Variants in NSD1 observed in about 807,000 individuals in gnomAD.
NSD1 encodes the protein histone-lysine N-methyltransferase, H3 lysine-36 specific.
A neutral mutation model predicts 242.7 loss-of-function variants in NSD1; 26 were observed. That is an observed-to-expected ratio of 0.11 (90% CI 0.08 to 0.15). NSD1 has a LOEUF of 0.15. NSD1 is among the 10% of genes least tolerant of loss of function. NSD1 has a pLI of 1.00. For synonymous variants in NSD1, 1,106 were observed against 1,178.1 expected, an observed-to-expected ratio of 0.94 and a Z score of 1.25; for missense variants, 2,495 against 3,272.8, an observed-to-expected ratio of 0.76 and a Z score of 5.80.
intron 12 of NSD1, among the ~76,000 whole-genome samples, chr5:177,256,661 G>T (rs1002336403): frequency 1.2e-4 from 19 of 152,174 alleles, no homozygotes; most frequent in African/African-American, 4.6e-4. Context: ...CTGTAAACTT[G>T]TAGTTAGTCC....
intron 2 of NSD1, among the ~76,000 whole-genome samples, chr5:177,185,958 T>C (rs1206672324): frequency 8.6e-5 from 8 of 93,388 alleles, no homozygotes; most frequent in African/African-American, 2.7e-4. Flanking sequence ...TAGTTATATA[T>C]TTATATATAA....
chr5:177,158,599 A>G (rs1758403234), intron 2 of NSD1, among the ~76,000 whole-genome samples: 1 of 151,918 alleles, frequency 6.6e-6, no homozygotes. Flanking sequence ...CGGCCTCCCA[A>G]AGTGCCGAGA....
At position 177,294,553 on chromosome 5, in the gene NSD1, T is replaced by C; in HGVS notation, c.7185T>C (p.Thr2395=). 6.2e-7 allele frequency: 1 copy of C among 1,614,204 alleles called. No homozygotes were observed. Among genetic ancestry groups the C allele is most frequent in the South Asian group, 1.1e-5 (1 of 91,080 alleles). The change falls in exon 23 of 23, where the codon ACT becomes ACC. Residue 2395 remains threonine, a synonymous_variant. Transcript: ENST00000439151. ...CGCCGCCAGACAGACTGCTCATTAC[T>C]AGCAGTCCCAAACCCCAGACTTCAG... is the stretch of plus-strand genomic sequence containing the variant. ...RLPPPDRLLI[T]SSPKPQTSDR...
At chr5:177,138,831 G>C (rs1046022508) in intron 2 of NSD1, among the ~76,000 whole-genome samples, 9 of 149,834 alleles carry the variant, frequency 6.0e-5, no homozygotes, top group Admixed American at 4.0e-4. Flanking sequence ...TAGAGATGGG[G>C]TTTTACCATG....
chr5:177,184,171 T>C (rs1760914515), intron 2 of NSD1, among the ~76,000 whole-genome samples: 1 of 152,228 alleles, frequency 6.6e-6, no homozygotes, highest in Admixed American at 6.5e-5. Context: ...CTGGATCAAA[T>C]GGTAGCTCTA....
At chr5:177,150,748 T>C (rs1016010677) in intron 2 of NSD1, among the ~76,000 whole-genome samples, 2 of 152,188 alleles carry the variant, frequency 1.3e-5, no homozygotes, top group African/African-American at 2.4e-5. Context: ...AAGGTAGTCT[T>C]TCTTTGTAAA....
In NSD1 at chr5:177,295,581, ATTC is replaced by A; in HGVS notation, c.*125_*127del. 1 of 1,024,692 alleles carries A rather than the reference ATTC, an allele frequency of 9.8e-7. No homozygotes were observed. The highest frequency in any genetic ancestry group is 1.4e-5 in the South Asian group (1 of 72,882). The allele number at this position is 1,024,692 out of a possible 1,614,324, so 63.5% of individuals were successfully genotyped here. A position where few individuals can be genotyped will look rare whatever the true frequency, so the allele number is the denominator to read the frequency against. ...CTGCCCCGAACACTTTCCCACTGTT[ATTC>A]TTTCCTCATATCCCAACACTCAGAA... On this transcript the variant is annotated 3_prime_UTR_variant, in exon 23 of 23. Transcript: ENST00000439151. The surrounding 1 kb of genome is among the most constrained non-coding windows in gnomAD (Gnocchi z 4.3).
At chr5:177,177,537 CAAAA>C (rs1427123866) in intron 2 of NSD1, among the ~76,000 whole-genome samples, 2 of 151,778 alleles carry the variant, frequency 1.3e-5, no homozygotes, top group Non-Finnish European at 2.9e-5. Context: ...CAAAACAAAA[CAAAA>C]AAACAGCAAC....
At chr5:177,164,358 T>C (rs553049978) in intron 2 of NSD1, among the ~76,000 whole-genome samples, 167 of 152,028 alleles carry the variant, frequency 1.1e-3, no homozygotes, top group African/African-American at 2.8e-3. Flanking sequence ...GGTTTCACCA[T>C]GTTGGCCAGG....
chr5:177,202,522 G>T (rs2149834483), intron 3 of NSD1, among the ~76,000 whole-genome samples: 1 of 152,150 alleles, frequency 6.6e-6, no homozygotes, highest in Middle Eastern at 3.4e-3. Flanking sequence ...GGGACTACAG[G>T]CACATGCCAC....
chr5:177,281,320 A>C (rs991124367), intron 18 of NSD1, among the ~76,000 whole-genome samples: 1 of 141,188 alleles, frequency 7.1e-6, no homozygotes, highest in Admixed American at 7.6e-5. Flanking sequence ...ATAAATAAAT[A>C]ATATTGTATA....
At chr5:177,212,829 A>G (rs1763466553) in intron 5 of NSD1, among the ~76,000 whole-genome samples, 1 of 151,600 alleles carries the variant, frequency 6.6e-6, no homozygotes, top group Non-Finnish European at 1.5e-5. Flanking sequence ...TTTAGTAGAG[A>G]TGAGGGTTCA....
At chr5:177,202,227 G>A (rs1228836727) in intron 3 of NSD1, among the ~76,000 whole-genome samples, 1 of 151,068 alleles carries the variant, frequency 6.6e-6, no homozygotes, top group Non-Finnish European at 1.5e-5. Context: ...TTATAATTGA[G>A]TGGTTTTTTT....
At chr5:177,140,542 G>A (rs1452457748) in intron 2 of NSD1, among the ~76,000 whole-genome samples, 2 of 152,030 alleles carry the variant, frequency 1.3e-5, no homozygotes, top group Admixed American at 6.6e-5. Flanking sequence ...CTTAAGAATC[G>A]GCCCAGTGGC....
chr5:177,195,396 GTCCTTCTT>G (rs551790550), intron 3 of NSD1, among the ~76,000 whole-genome samples: 10 of 152,092 alleles, frequency 6.6e-5, no homozygotes, highest in Non-Finnish European at 1.3e-4. Context: ...AAAACTCTGA[GTCCTTCTT>G]TTCTAACCTC....
In NSD1 at chr5:177,135,199, C is replaced by G; in HGVS notation, c.96C>G (p.Phe32Leu). 1 of 1,613,636 alleles carries G rather than the reference C, an allele frequency of 6.2e-7. No homozygotes were observed. Among genetic ancestry groups the G allele is most frequent in the Non-Finnish European group, 8.5e-7 (1 of 1,179,582 alleles). ...CCCCTGAAGACAAGGACAGCCCTTT[C>G]GGTAATGGTCAATCCAATTTTTCTG... ...LDAPEDKDSPFGNGQSNFSEP... is the reference protein window; with the variant it reads ...LDAPEDKDSPLGNGQSNFSEP... Residue 32 changes from phenylalanine to leucine, a missense_variant, in exon 2 of 23, where the codon TTC becomes TTG. By Grantham distance (22) the Phe-to-Leu change is conservative. Coordinates refer to ENST00000439151, the MANE Select transcript of NSD1 (RefSeq NM_022455.5).
intron 11 of NSD1, among the ~76,000 whole-genome samples, chr5:177,250,315 T>C (rs1313367419): frequency 6.6e-6 from 1 of 152,216 alleles, no homozygotes; most frequent in African/African-American, 2.4e-5. Context: ...AAAGATCATT[T>C]AATGAAAAGG....
chr5:177,278,881 A>G (rs1758613309), intron 17 of NSD1, among the ~76,000 whole-genome samples: 1 of 152,228 alleles, frequency 6.6e-6, no homozygotes. Flanking sequence ...GTACTGGAAC[A>G]TCTATTGTCT....
chr5:177,285,860 T>G (rs1759284029), intron 20 of NSD1, among the ~76,000 whole-genome samples: 1 of 152,184 alleles, frequency 6.6e-6, no homozygotes, highest in Admixed American at 6.5e-5. Context: ...TAGAATGATA[T>G]TTGTTCAGAT....
Sources: gnomAD v4.1 joint callset for allele counts (sites outside exome capture counted in the v4.1 genomes callset) on GRCh38, gnomAD v4.1.1 for gene constraint, Gnocchi (gnomAD v3.1) non-coding constraint, MANE v1.5 for transcripts, NCBI Gene and HGNC (gene_info 2026-07-23, HGNC 2026-07-21) for gene names.